CNTLN: variants seen among roughly 807,000 people sequenced by gnomAD.
The protein encoded by CNTLN is centlein.
Under a neutral mutation model 180.0 loss-of-function variants are expected in CNTLN, and 212 were observed. The ratio of observed to expected loss-of-function variants is 1.18; its 90% CI spans 1.05 to 1.32. The LOEUF (loss-of-function observed/expected upper bound fraction) is 1.32. Ranked by LOEUF, CNTLN falls within the 40% of genes most tolerant of loss-of-function variation. The pLI is 0.00. For missense variants in CNTLN, 2,095 were observed against 1,610.9 expected, an observed-to-expected ratio of 1.30 and a Z score of -5.14; for synonymous variants, 722 against 563.1, an observed-to-expected ratio of 1.28 and a Z score of -3.99.
intron 5 of CNTLN, among the ~76,000 whole-genome samples, chr9:17,261,626 A>C (rs1369555555): frequency 6.6e-6 from 1 of 151,420 alleles, no homozygotes; most frequent in African/African-American, 2.4e-5. Flanking sequence ...ACAAGGGGTA[A>C]CGTGACTTCT....
intron 8 of CNTLN, among the ~76,000 whole-genome samples, chr9:17,311,314 C>T (rs1264887070): frequency 2.0e-5 from 3 of 151,848 alleles, no homozygotes; most frequent in African/African-American, 7.3e-5. Context: ...CATGAGCCAC[C>T]GTGCCTGGCC....
chr9:17,208,205 C>T (rs529601061), intron 2 of CNTLN, among the ~76,000 whole-genome samples: 2 of 152,126 alleles, frequency 1.3e-5, no homozygotes, highest in African/African-American at 4.8e-5. Context: ...ACTGCTTTTT[C>T]ACGTGACATC....
intron 12 of CNTLN, among the ~76,000 whole-genome samples, chr9:17,346,974 A>G (rs1465513646): frequency 6.6e-6 from 1 of 152,122 alleles, no homozygotes; most frequent in Admixed American, 6.6e-5. Flanking sequence ...CGTGTCTTCA[A>G]GTTTACTGAT....
chr9:17,410,464 A>C (rs1353603053), intron 16 of CNTLN, among the ~76,000 whole-genome samples: 1 of 152,102 alleles, frequency 6.6e-6, no homozygotes, highest in South Asian at 2.1e-4. Context: ...TGTATTGTAG[A>C]TATCTTTTCC....
chr9:17,275,713 A>G (rs1364712733), intron 6 of CNTLN, among the ~76,000 whole-genome samples: 1 of 152,150 alleles, frequency 6.6e-6, no homozygotes, highest in Non-Finnish European at 1.5e-5. Context: ...ATTTAAATTT[A>G]GTGTATTGCA....
At chr9:17,152,060 T>C (rs1818922447) in intron 2 of CNTLN, among the ~76,000 whole-genome samples, 1 of 152,174 alleles carries the variant, frequency 6.6e-6, no homozygotes, top group Admixed American at 6.5e-5. Flanking sequence ...TTTTCTCCTT[T>C]ATTAGTCTGG....
intron 24 of CNTLN, among the ~76,000 whole-genome samples, chr9:17,484,733 C>G (rs1832814185): frequency 6.6e-6 from 1 of 151,982 alleles, no homozygotes; most frequent in South Asian, 2.1e-4. Flanking sequence ...TTCATTTATT[C>G]TTTCCTATCT....
intron 10 of CNTLN, among the ~76,000 whole-genome samples, chr9:17,336,648 C>G (rs1174549797): frequency 6.6e-6 from 1 of 152,076 alleles, no homozygotes; most frequent in Non-Finnish European, 1.5e-5. Context: ...AAACACTCTG[C>G]TGTTAGATAT....
intron 1 of CNTLN, among the ~76,000 whole-genome samples, chr9:17,142,279 G>T (rs190236357): frequency 6.6e-6 from 1 of 152,026 alleles, no homozygotes; most frequent in East Asian, 1.9e-4. Flanking sequence ...ATTAACTATT[G>T]TTAGTGTTAG....
chr9:17,441,855 A>G (rs1588002630), intron 18 of CNTLN, among the ~76,000 whole-genome samples: 1 of 152,196 alleles, frequency 6.6e-6, no homozygotes. Context: ...ATGGAAAACT[A>G]TATTCCATAC....
At chr9:17,243,568 C>G (rs907259210) in intron 5 of CNTLN, among the ~76,000 whole-genome samples, 2 of 152,128 alleles carry the variant, frequency 1.3e-5, no homozygotes, top group Non-Finnish European at 2.9e-5. Flanking sequence ...TCTTCATTGA[C>G]CTACTGGTTA....
intron 2 of CNTLN, among the ~76,000 whole-genome samples, chr9:17,186,146 T>C (rs1821424037): frequency 6.6e-6 from 1 of 152,158 alleles, no homozygotes; most frequent in Non-Finnish European, 1.5e-5. Flanking sequence ...CATCTTGGAC[T>C]TTGTTTATAA....
At chr9:17,243,345 C>A (rs1184268900) in intron 5 of CNTLN, among the ~76,000 whole-genome samples, 1 of 151,794 alleles carries the variant, frequency 6.6e-6, no homozygotes, top group East Asian at 1.9e-4. Context: ...TTTATTATTT[C>A]TTTTCTTCTA....
rs1461379834 is a variant in CNTLN, at chr9:17,457,547, G to A, written c.3138G>A (p.Gly1046=). The A allele has an allele frequency of 6.6e-7, 1 of 1,504,432 alleles. No homozygotes were observed. The highest frequency in any genetic ancestry group is 8.9e-7 in the Non-Finnish European group (1 of 1,123,722). 93.2% of individuals were successfully genotyped at this position (1,504,432 alleles called of 1,614,324 possible). A position where few individuals can be genotyped will look rare whatever the true frequency, so the allele number is the denominator to read the frequency against. The stretch of plus-strand genomic sequence containing the variant: ...AGAAGCTAAATTTGGATTTGGCTGG[G>A]CTTCGGAAAGAAAAAGAAGATTTAC... ...TIKKLNLDLA[G]LRKEKEDLLK... is the part of the protein sequence containing the mutation. The change falls in exon 19 of 26, where the codon GGG becomes GGA. Residue 1046 remains glycine (G), a synonymous_variant. Transcript: ENST00000380647.
intron 3 of CNTLN, among the ~76,000 whole-genome samples, chr9:17,231,154 C>T (rs1236805882): frequency 1.3e-5 from 2 of 152,006 alleles, no homozygotes. Flanking sequence ...CTGCCAAGTT[C>T]CTTATATGCT....
intron 6 of CNTLN, among the ~76,000 whole-genome samples, chr9:17,280,926 A>C (rs1300053165): frequency 2.0e-5 from 3 of 152,172 alleles, no homozygotes. Context: ...TAGTAGGCTG[A>C]GGCAGAGAGA....
chr9:17,493,144 A>T (rs1833259075), intron 25 of CNTLN, among the ~76,000 whole-genome samples: 1 of 152,142 alleles, frequency 6.6e-6, no homozygotes, highest in Non-Finnish European at 1.5e-5. Flanking sequence ...AATCCTAGAG[A>T]TAGAGGTGGT....
chr9:17,202,305 A>G (rs1018845390), intron 2 of CNTLN, among the ~76,000 whole-genome samples: 1 of 152,150 alleles, frequency 6.6e-6, no homozygotes, highest in East Asian at 1.9e-4. Context: ...AAGAATGTAT[A>G]TTCTGTTGAT....
At chr9:17,239,627 T>C (rs1825367266) in intron 5 of CNTLN, among the ~76,000 whole-genome samples, 1 of 152,188 alleles carries the variant, frequency 6.6e-6, no homozygotes, top group African/African-American at 2.4e-5. Flanking sequence ...CTTTGATACA[T>C]TTTGAGTTAA....
Sources: allele counts gnomAD v4.1 joint callset (sites outside exome capture counted in the v4.1 genomes callset), GRCh38; gene constraint gnomAD v4.1.1; transcripts MANE v1.5; gene names NCBI Gene and HGNC (gene_info 2026-07-23, HGNC 2026-07-21).